Variants in PARVA observed in about 807,000 individuals in gnomAD.
The protein encoded by PARVA is parvin alpha.
Under a neutral mutation model 52.6 loss-of-function variants are expected in PARVA, and 25 were observed. The ratio of observed to expected loss-of-function variants is 0.48; its 90% CI spans 0.35 to 0.66. PARVA has a LOEUF of 0.66. Among genes scored for constraint, PARVA ranks in the 30% least tolerant of loss-of-function variants. PARVA has a pLI of 0.01. For missense variants in PARVA, 373 were observed against 450.9 expected, an observed-to-expected ratio of 0.83 and a Z score of 1.56; for synonymous variants, 185 against 179.1, an observed-to-expected ratio of 1.03 and a Z score of -0.26.
At chr11:12,511,568 G>A (rs1243425549) in intron 8 of PARVA, 35 bp downstream of exon 8, 1 of 1,609,454 alleles carries the variant, frequency 6.2e-7, no homozygotes, top group Non-Finnish European at 8.5e-7. Flanking sequence ...GGCACTGGTG[G>A]CTGCACTGGG....
Position 12,534,420 on chromosome 11 carries a change from AC to A in PARVA, c.*6498del, listed in dbSNP as rs1198313949. On this transcript the variant is annotated 3_prime_UTR_variant, in exon 13 of 13. Coordinates refer to ENST00000334956, the MANE Select transcript of PARVA (RefSeq NM_018222.5). ...TGTGTTCCTGCCTCAACTCCCCTGA[AC>A]CCTCCTGAACTTTCTACACACATGT... Among the ~76,000 whole-genome samples the A allele has an allele frequency of 6.6e-6, 1 of 152,012 alleles. No individual in the cohort carries two copies. Among genetic ancestry groups the A allele is most frequent in the African/African-American group, 2.4e-5 (1 of 41,352 alleles).
intron 1 of PARVA, among the ~76,000 whole-genome samples, chr11:12,467,260 G>A (rs896448568): frequency 6.6e-6 from 1 of 152,106 alleles, no homozygotes; most frequent in African/African-American, 2.4e-5. Context: ...GGAATTTTAG[G>A]GGTGAGGAGC....
chr11:12,435,174 T>C (rs1200398396), intron 1 of PARVA, among the ~76,000 whole-genome samples: 1 of 152,256 alleles, frequency 6.6e-6, no homozygotes, highest in Admixed American at 6.5e-5. Context: ...TTCAGCTGCC[T>C]GCTTCTTGAA....
intron 1 of PARVA, chr11:12,452,718 C>A: frequency 4.3e-6 from 1 of 233,428 alleles, no homozygotes; most frequent in Non-Finnish European, 9.0e-6. Flanking sequence ...GCAGGCACTT[C>A]AGATTTCAGG....
At position 12,484,507 on chromosome 11, in the gene PARVA, GTGTGTGTGT is replaced by G. The variant is rs1564859275; in HGVS notation, c.400+6559_400+6567del. Among the ~76,000 whole-genome samples, 12 of 4,366 alleles carry G rather than the reference GTGTGTGTGT, an allele frequency of 2.7e-3. No individual in the cohort carries two copies. The Non-Finnish European group carries it at 0.049, about 18-fold the overall frequency. 2.9% of individuals were successfully genotyped at this position (4,366 alleles called of 152,430 possible). ...TGCAGGAGGGTGGTTTTGTTTTGGT[GTGTGTGTGT>G]GTGTGTGTGTGTGTGTGTGTGTGTG... On this transcript the variant is annotated intron_variant, in intron 4 of 12. Coordinates refer to ENST00000334956, the MANE Select transcript of PARVA (RefSeq NM_018222.5).
intron 7 of PARVA, among the ~76,000 whole-genome samples, chr11:12,509,806 G>T (rs1476415524): frequency 6.6e-6 from 1 of 152,124 alleles, no homozygotes; most frequent in South Asian, 2.1e-4. Flanking sequence ...CTTGGCCTTG[G>T]TTCTGTGAGG....
Position 12,446,837 on chromosome 11 carries a change from G to A in PARVA, c.137-26908G>A, listed in dbSNP as rs186105430. ...CCGTTGTTTCATGATTGTTGGTTTC[G>A]TACATTCTCAATGTAGCCAGGTTTT... On this transcript the variant is annotated intron_variant, in intron 1 of 12. Coordinates refer to ENST00000334956, the MANE Select transcript of PARVA (RefSeq NM_018222.5). Among the ~76,000 whole-genome samples, 607 of 152,250 alleles carry A rather than the reference G, an allele frequency of 4.0e-3. 6 individuals carry two copies. The highest frequency in any genetic ancestry group is 0.022 in the Admixed American group (336 of 15,298).
chr11:12,423,824 T>G (rs930998813), intron 1 of PARVA, among the ~76,000 whole-genome samples: 1 of 152,196 alleles, frequency 6.6e-6, no homozygotes, highest in African/African-American at 2.4e-5. Flanking sequence ...TAGTAGAGTC[T>G]TTGTCCTGGC....
chr11:12,432,477 G>T (rs1025972717), intron 1 of PARVA, among the ~76,000 whole-genome samples: 14 of 152,202 alleles, frequency 9.2e-5, no homozygotes, highest in African/African-American at 2.9e-4. Context: ...ATGATCATGG[G>T]ATATGATGCT....
chr11:12,461,996 C>G (rs1013221632), intron 1 of PARVA, among the ~76,000 whole-genome samples: 1 of 152,120 alleles, frequency 6.6e-6, no homozygotes, highest in African/African-American at 2.4e-5. Flanking sequence ...CATATTATAA[C>G]CACTGAAACA....
chr11:12,518,212 T>C (rs871939), intron 11 of PARVA, among the ~76,000 whole-genome samples: 95,872 of 152,102 alleles, frequency 0.63, 30,993 homozygotes, highest in East Asian at 0.75. Context: ...AGGAACACAG[T>C]AGGATATGAA....
intron 1 of PARVA, among the ~76,000 whole-genome samples, chr11:12,406,756 C>T (rs565322397): frequency 3.9e-4 from 58 of 149,488 alleles, no homozygotes; most frequent in Middle Eastern, 3.5e-3. Context: ...CTGCAAGCTC[C>T]GCCTCCCAGG....
chr11:12,422,656 C>T (rs7126231), intron 1 of PARVA, among the ~76,000 whole-genome samples: 18,826 of 152,194 alleles, frequency 0.12, 2,099 homozygotes, highest in African/African-American at 0.3. Flanking sequence ...ACAGGGCTGC[C>T]ACCTGCTAGT....
At chr11:12,488,497 G>A (rs1237950344) in intron 4 of PARVA, among the ~76,000 whole-genome samples, 5 of 152,162 alleles carry the variant, frequency 3.3e-5, no homozygotes, top group Admixed American at 6.5e-5. Flanking sequence ...GAAGTTTAAA[G>A]GGTCACACAT....
At chr11:12,470,371 AT>A (rs1471888312) in intron 1 of PARVA, among the ~76,000 whole-genome samples, 2 of 152,220 alleles carry the variant, frequency 1.3e-5, no homozygotes, top group Non-Finnish European at 2.9e-5. Context: ...CTTTGCATAT[AT>A]TAACTCATTT....
chr11:12,475,504 G>T (rs1435650527), intron 3 of PARVA, among the ~76,000 whole-genome samples: 2 of 152,146 alleles, frequency 1.3e-5, no homozygotes, highest in African/African-American at 2.4e-5. Context: ...ACATATAGCA[G>T]GTATTTAATA....
intron 1 of PARVA, among the ~76,000 whole-genome samples, chr11:12,420,161 A>G (rs1940127849): frequency 1.3e-5 from 2 of 152,210 alleles, no homozygotes; most frequent in Non-Finnish European, 2.9e-5. Flanking sequence ...TTTAGGAGAA[A>G]AAAAGGGTTA....
At chr11:12,475,790 C>G (rs1941004994) in intron 3 of PARVA, among the ~76,000 whole-genome samples, 2 of 152,246 alleles carry the variant, frequency 1.3e-5, no homozygotes, top group Admixed American at 1.3e-4. Flanking sequence ...TGGATCACAA[C>G]CGGAGCCTCA....
chr11:12,456,199 A>T (rs1372114957), intron 1 of PARVA, among the ~76,000 whole-genome samples: 2 of 152,208 alleles, frequency 1.3e-5, no homozygotes, highest in African/African-American at 2.4e-5. Flanking sequence ...GAGAAAAGGC[A>T]GGGAAAGGGT....
Sources: allele counts gnomAD v4.1 joint callset (sites outside exome capture counted in the v4.1 genomes callset), GRCh38; gene constraint gnomAD v4.1.1; transcripts MANE v1.5; gene names NCBI Gene and HGNC (gene_info 2026-07-23, HGNC 2026-07-21).